Variants in RIPOR3 observed in about 807,000 individuals in gnomAD.
RIPOR3 encodes family with sequence similarity 65 member C.
A neutral mutation model predicts 114.3 loss-of-function variants in RIPOR3; 95 were observed. The ratio of observed to expected loss-of-function variants is 0.83; its 90% confidence interval spans 0.70 to 0.99. The LOEUF is 0.99. Ranked by LOEUF, RIPOR3 falls within the 50% of genes least tolerant of loss-of-function variation. RIPOR3 has a pLI of 0.00. For missense variants in RIPOR3, 1,252 were observed against 1,266.9 expected, an observed-to-expected ratio of 0.99 and a Z score of 0.18; for synonymous variants, 575 against 543.8, an observed-to-expected ratio of 1.06 and a Z score of -0.80.
At chr20:50,590,739 A>C (rs966292534) in intron 19 of RIPOR3, among the ~76,000 whole-genome samples, 3 of 151,696 alleles carry the variant, frequency 2.0e-5, no homozygotes, top group African/African-American at 7.3e-5. Context: ...ATCTGAGGCC[A>C]AGCAATCTGT....
chr20:50,677,288 C>CATTT (rs1347200442), intron 1 of RIPOR3, among the ~76,000 whole-genome samples: 5 of 151,950 alleles, frequency 3.3e-5, no homozygotes. Flanking sequence ...GGTCCAAACC[C>CATTT]ATTTGCATTA....
intron 1 of RIPOR3, among the ~76,000 whole-genome samples, chr20:50,651,145 G>A (rs766742807): frequency 2.6e-5 from 4 of 152,108 alleles, no homozygotes; most frequent in East Asian, 1.9e-4. Context: ...GGGATTCAGC[G>A]TGAGAGAGAT....
chr20:50,611,400 CA>C (rs2083974546), intron 4 of RIPOR3, among the ~76,000 whole-genome samples, 196 bp from the exon 5 acceptor site: 1 of 152,244 alleles, frequency 6.6e-6, no homozygotes, highest in African/African-American at 2.4e-5. Context: ...TGATTAAACA[CA>C]TGCACGTGGG....
chr20:50,634,920 C>T (rs537539284), intron 1 of RIPOR3, among the ~76,000 whole-genome samples: 1 of 152,292 alleles, frequency 6.6e-6, no homozygotes, highest in East Asian at 1.9e-4. Context: ...GTAGTCCCAG[C>T]TACTCTGGAG....
At chr20:50,590,451 C>T (rs1007719836) in intron 19 of RIPOR3, among the ~76,000 whole-genome samples, 3 of 152,158 alleles carry the variant, frequency 2.0e-5, no homozygotes, top group African/African-American at 7.2e-5. Flanking sequence ...TTCAACTGCA[C>T]GGGTGGGGCG....
In RIPOR3 at chr20:50,647,094, C is replaced by T. The variant is rs113729235; in HGVS notation, c.4-16238G>A. 6.6e-5 allele frequency among the ~76,000 whole-genome samples: 10 copies of T among 152,182 alleles called. 1 individual carries two copies. The highest frequency in any genetic ancestry group is 1.7e-4 in the African/African-American group (7 of 41,532). On this transcript the variant is annotated intron_variant, in intron 1 of 21. Coordinates refer to ENST00000327979, the MANE Select transcript of RIPOR3 (RefSeq NM_001290268.2). Reference sequence around the variant, plus strand: ...CCGCACTTTCGGAGGCCGAGGCGGACGGATCACTTGAGGTCAGGAGTTCAA... The same window carrying T: ...CCGCACTTTCGGAGGCCGAGGCGGATGGATCACTTGAGGTCAGGAGTTCAA...
At chr20:50,685,780 A>G (rs6096063) in intron 1 of RIPOR3, among the ~76,000 whole-genome samples, 117,627 of 144,996 alleles carry the variant, frequency 0.81, 48,681 homozygotes, top group East Asian at 0.95. Flanking sequence ...GGATCACGCC[A>G]CTGCACTCTA....
chr20:50,675,909 T>G (rs1600753175), intron 1 of RIPOR3, among the ~76,000 whole-genome samples: 1 of 152,302 alleles, frequency 6.6e-6, no homozygotes, highest in Non-Finnish European at 1.5e-5. Context: ...GCATCGATGG[T>G]GCAGGGAGCC....
rs2083168113 is a variant in RIPOR3 at position 50,593,132 on chromosome 20, T to C, written c.2277A>G (p.Pro759=). 6.2e-7 allele frequency: 1 copy of C among 1,613,866 alleles called. No homozygotes were observed. The highest frequency in any genetic ancestry group is 8.5e-7 in the Non-Finnish European group (1 of 1,180,028). The change falls in exon 18 of 22, where the codon CCA becomes CCG. Residue 759 remains proline, a synonymous_variant. Coordinates refer to ENST00000327979, the MANE Select transcript of RIPOR3 (RefSeq NM_001290268.2). ...GGAACCAGGTAATGATCTGTTCTTC[T>C]GGGAGCCCAGCTCCGGGGAGCAGCC... The part of the protein sequence containing the change: ...CGGLLPGAGL[P]EEQIITWFQF...
rs571236400 is a variant in RIPOR3 at position 50,609,506 on chromosome 20, C to T, written c.576+67G>A. 43 of 1,443,530 alleles carry T rather than the reference C, an allele frequency of 3.0e-5. No individual in the cohort carries two copies. In the South Asian group the frequency reaches 5.0e-4, roughly 17 times the overall value. 89.4% of individuals were successfully genotyped at this position (1,443,530 alleles called of 1,614,324 possible). On this transcript the variant is annotated intron_variant, in intron 7 of 21. Transcript: ENST00000327979. ...CTCCAGCCCCCACTGGCCCAGCTCTCGATGTCCCCACTGCCCGGCCCAGCT... is the reference window on the plus strand; with the variant it reads ...CTCCAGCCCCCACTGGCCCAGCTCTTGATGTCCCCACTGCCCGGCCCAGCT...
chr20:50,608,783 C>A (rs2083827395), intron 9 of RIPOR3, 45 bp from the exon 10 acceptor site: 2 of 1,612,494 alleles, frequency 1.2e-6, no homozygotes, highest in Non-Finnish European at 1.7e-6. Context: ...AGGTGGGTGT[C>A]CCCTTGCTGT....
intron 6 of RIPOR3, among the ~76,000 whole-genome samples, chr20:50,609,932 TCTGCCTCACCTGCCTCACCTGCCACCA>T (rs2083889916): frequency 4.0e-5 from 6 of 148,174 alleles, no homozygotes; most frequent in Admixed American, 6.7e-5. Context: ...AGGGACCACA[TCTGCCTCACCTGCCTCACCTGCCACCA>T]CTGCCTCACC....
At chr20:50,664,103 T>C (rs1424911257) in intron 1 of RIPOR3, among the ~76,000 whole-genome samples, 1 of 152,118 alleles carries the variant, frequency 6.6e-6, no homozygotes, top group African/African-American at 2.4e-5. Flanking sequence ...ATTTCTGTAT[T>C]TTTAGTAGAG....
At chr20:50,666,072 T>A (rs996101100) in intron 1 of RIPOR3, among the ~76,000 whole-genome samples, 1 of 151,296 alleles carries the variant, frequency 6.6e-6, no homozygotes, top group Non-Finnish European at 1.5e-5. Context: ...GGCCCCAGAA[T>A]GAAGACCAAG....
intron 13 of RIPOR3, among the ~76,000 whole-genome samples, chr20:50,601,639 G>A (rs932968248): frequency 5.3e-5 from 8 of 152,168 alleles, no homozygotes; most frequent in African/African-American, 1.7e-4. Context: ...CCTGTGAACT[G>A]AGAACAGCCC....
At chr20:50,681,287 C>T (rs1330549433) in intron 1 of RIPOR3, among the ~76,000 whole-genome samples, 1 of 55,940 alleles carries the variant, frequency 1.8e-5, no homozygotes, top group Non-Finnish European at 4.3e-5. Context: ...AAAAAAAAAA[C>T]ATATAATGAG....
At chr20:50,589,302 T>C (rs2083034698) in intron 20 of RIPOR3, among the ~76,000 whole-genome samples, 1 of 151,432 alleles carries the variant, frequency 6.6e-6, no homozygotes, top group South Asian at 2.1e-4. Context: ...CTCTGTATTT[T>C]GTAACTTTTT....
At chr20:50,600,915 T>C (rs1025362408) in intron 13 of RIPOR3, among the ~76,000 whole-genome samples, 12 of 152,250 alleles carry the variant, frequency 7.9e-5, no homozygotes, top group East Asian at 1.9e-4. Flanking sequence ...AAACTTTTTT[T>C]CCCCTATGTT....
chr20:50,657,915 C>T (rs1029668416), intron 1 of RIPOR3, among the ~76,000 whole-genome samples: 1 of 151,752 alleles, frequency 6.6e-6, no homozygotes, highest in Non-Finnish European at 1.5e-5. Flanking sequence ...ACCACCATGC[C>T]TGGCTAATTT....
Sources: gnomAD v4.1 joint callset for allele counts (sites outside exome capture counted in the v4.1 genomes callset) on GRCh38, gnomAD v4.1.1 for gene constraint, MANE v1.5 for transcripts, NCBI Gene and HGNC (gene_info 2026-07-23, HGNC 2026-07-21) for gene names.